The following NALF1 variants were observed in gnomAD, a reference collection of about 807,000 sequenced individuals.
NALF1 encodes the protein family with sequence similarity 155 member A.
NALF1 carries 3 observed loss-of-function variants against 48.4 expected under a neutral mutation model. The ratio of observed to expected loss-of-function variants is 0.06; its 90% CI spans 0.03 to 0.16. NALF1 has a LOEUF of 0.16. Among genes scored for constraint, NALF1 ranks in the 10% least tolerant of loss-of-function variants. The pLI is 1.00. For missense variants in NALF1, 526 were observed against 571.5 expected (o/e 0.92, Z 0.81); for synonymous variants, 262 against 245.7 (o/e 1.07, Z -0.62).
intron 1 of NALF1, among the ~76,000 whole-genome samples, chr13:107,301,053 C>T (rs563390451): frequency 9.9e-5 from 15 of 152,118 alleles, no homozygotes; most frequent in Admixed American, 5.2e-4. Context: ...GCAATATTTG[C>T]TTGTTTCTTT....
intron 1 of NALF1, among the ~76,000 whole-genome samples, chr13:107,851,805 C>CTTTTTTT (rs34999908): frequency 2.9e-5 from 3 of 104,700 alleles, no homozygotes; most frequent in African/African-American, 1.1e-4. Flanking sequence ...CAGGCCCTTT[C>CTTTTTTT]TTTTTTTTTT....
At chr13:107,751,921 C>CA in intron 1 of NALF1, among the ~76,000 whole-genome samples, 1 of 152,010 alleles carries the variant, frequency 6.6e-6, no homozygotes, top group South Asian at 2.1e-4. Context: ...TGGAATTTTA[C>CA]CTCTGCTTAT....
intron 1 of NALF1, among the ~76,000 whole-genome samples, chr13:107,643,542 T>G (rs1401995639): frequency 3.5e-4 from 45 of 128,126 alleles, no homozygotes; most frequent in East Asian, 5.2e-4. Flanking sequence ...GTGTATTTGG[T>G]GGGGGGGGGG....
intron 1 of NALF1, among the ~76,000 whole-genome samples, chr13:107,860,594 G>A (rs1371428914): frequency 1.3e-5 from 2 of 152,062 alleles, no homozygotes; most frequent in African/African-American, 4.8e-5. Context: ...CACTAATCTA[G>A]AGTATATGTT....
At chr13:107,525,752 G>A (rs186221334) in intron 1 of NALF1, among the ~76,000 whole-genome samples, 4 of 152,124 alleles carry the variant, frequency 2.6e-5, no homozygotes, top group African/African-American at 9.6e-5. Flanking sequence ...AACAATGCAC[G>A]AGAGATCTAA....
intron 1 of NALF1, among the ~76,000 whole-genome samples, chr13:107,578,862 G>A (rs1023124512): frequency 6.6e-6 from 1 of 152,092 alleles, no homozygotes; most frequent in Non-Finnish European, 1.5e-5. Flanking sequence ...TAAGTATGCT[G>A]CTATGTTTGT....
rs1883090008 is a variant in NALF1 at position 107,362,903 on chromosome 13, A to C, written c.916-152148T>G. Among the ~76,000 whole-genome samples, 1 of 152,174 alleles carries C rather than the reference A, an allele frequency of 6.6e-6. No individual in the cohort carries two copies. Among genetic ancestry groups the C allele is most frequent in the Non-Finnish European group, 1.5e-5 (1 of 68,028 alleles). On this transcript the variant is annotated intron_variant, in intron 1 of 2. Coordinates refer to ENST00000375915, the MANE Select transcript of NALF1 (RefSeq NM_001080396.3). This position sits in a 1 kb window ranked among gnomAD's most constrained non-coding sequence, Gnocchi z 4.6. ...CTATACATACCTTTAGGCTCATGAT[A>C]AAGGTAGAAACTATCTTCTTATATC...
chr13:107,404,731 T>C (rs1429328913), intron 1 of NALF1, among the ~76,000 whole-genome samples: 5 of 152,120 alleles, frequency 3.3e-5, no homozygotes, highest in African/African-American at 9.6e-5. Context: ...TATTTATTTA[T>C]TATGCATTTT....
chr13:107,463,849 C>G (rs1373592876), intron 1 of NALF1, among the ~76,000 whole-genome samples: 1 of 152,160 alleles, frequency 6.6e-6, no homozygotes, highest in African/African-American at 2.4e-5. Context: ...AAATCAGAAA[C>G]TGTGCTTGTT....
intron 1 of NALF1, among the ~76,000 whole-genome samples, chr13:107,585,854 CCTTT>C (rs1433223146): frequency 6.6e-6 from 1 of 152,114 alleles, no homozygotes; most frequent in Admixed American, 6.6e-5. Flanking sequence ...TTCACAAAAT[CCTTT>C]CTATTGAGGA....
chr13:107,613,709 A>C (rs757540525), intron 1 of NALF1, among the ~76,000 whole-genome samples: 4 of 152,230 alleles, frequency 2.6e-5, no homozygotes, highest in Non-Finnish European at 5.9e-5. Flanking sequence ...AAGTTATTTC[A>C]GTTAACACAG....
At position 107,867,238 on chromosome 13, in the gene NALF1, C is replaced by G. The variant is rs1289686609; in HGVS notation, c.-642G>C. 6.6e-6 allele frequency among the ~76,000 whole-genome samples: 1 copy of G among 150,956 alleles called. No homozygotes were observed. The highest frequency in any genetic ancestry group is 1.5e-5 in the Non-Finnish European group (1 of 67,554). The stretch of plus-strand genomic sequence containing the variant: ...GCTCCGCGCTGGCTCTCCCAGAGTC[C>G]GGAGCCTGGGCTGCCTCCGGCGGGG... On this transcript the variant is annotated 5_prime_UTR_variant, in exon 1 of 3. Transcript: ENST00000375915. This position sits in a 1 kb window ranked among gnomAD's most constrained non-coding sequence, Gnocchi z 4.4.
chr13:107,720,662 T>C (rs1298126238), intron 1 of NALF1, among the ~76,000 whole-genome samples: 1 of 151,764 alleles, frequency 6.6e-6, no homozygotes, highest in African/African-American at 2.4e-5. Flanking sequence ...ATCAAATAAA[T>C]AAAATAAAAG....
At chr13:107,747,717 TAAAG>T (rs1876822451) in intron 1 of NALF1, among the ~76,000 whole-genome samples, 1 of 152,196 alleles carries the variant, frequency 6.6e-6, no homozygotes, top group African/African-American at 2.4e-5. Flanking sequence ...AAGGCTTCGA[TAAAG>T]AATTGTATTT....
At chr13:107,756,104 T>A (rs751969249) in intron 1 of NALF1, among the ~76,000 whole-genome samples, 2 of 152,184 alleles carry the variant, frequency 1.3e-5, no homozygotes, top group African/African-American at 4.8e-5. Context: ...GACTCCTACA[T>A]GCAATCTCCA....
chr13:107,625,882 G>T (rs1398924625), intron 1 of NALF1, among the ~76,000 whole-genome samples: 1 of 152,034 alleles, frequency 6.6e-6, no homozygotes, highest in Non-Finnish European at 1.5e-5. Flanking sequence ...GTAGACACAA[G>T]CTTAGTCAAT....
chr13:107,816,416 T>C (rs1339892769), intron 1 of NALF1, among the ~76,000 whole-genome samples: 1 of 151,720 alleles, frequency 6.6e-6, no homozygotes, highest in Admixed American at 6.6e-5. Flanking sequence ...TTACATGGAG[T>C]ATGAGGAATG....
At chr13:107,685,767 G>C (rs1207601793) in intron 1 of NALF1, among the ~76,000 whole-genome samples, 1 of 152,214 alleles carries the variant, frequency 6.6e-6, no homozygotes, top group Non-Finnish European at 1.5e-5. Flanking sequence ...GAAAAGGGGT[G>C]ATTGATTCGT....
In NALF1 at chr13:107,474,631, T is replaced by C. The variant is rs78494943; in HGVS notation, c.916-263876A>G. ...TAGCAGAATGTTAAATGTAGGTGTT[T>C]ATTGTGTTATTCAATCAATGTATCT... On this transcript the variant is annotated intron_variant, in intron 1 of 2. Coordinates refer to ENST00000375915, the MANE Select transcript of NALF1 (RefSeq NM_001080396.3). Among the ~76,000 whole-genome samples, 7 of 152,350 alleles carry C rather than the reference T, an allele frequency of 4.6e-5. No individual in the cohort carries two copies. The East Asian group carries it at 1.3e-3, about 29-fold the overall frequency.
Sources: allele counts gnomAD v4.1 joint callset (sites outside exome capture counted in the v4.1 genomes callset), GRCh38; gene constraint gnomAD v4.1.1; non-coding constraint Gnocchi (gnomAD v3.1); transcripts MANE v1.5; gene names NCBI Gene and HGNC (gene_info 2026-07-23, HGNC 2026-07-21).